GOT2: variants seen among roughly 807,000 people sequenced by gnomAD.
GOT2 encodes the protein glutamic-oxaloacetic transaminase 2.
GOT2 carries 17 observed loss-of-function variants against 50.0 expected under a neutral mutation model. The observed-to-expected ratio is 0.34, with a 90% CI of 0.23 to 0.51. The LOEUF is 0.51. Among genes scored for constraint, GOT2 ranks in the 20% least tolerant of loss-of-function variants. The probability of loss-of-function intolerance (pLI) is 0.97; values close to 1 mark genes in which losing one functional copy is unlikely to be tolerated. For missense variants in GOT2, 430 were observed against 559.6 expected, an observed-to-expected ratio of 0.77 and a Z score of 2.34; for synonymous variants, 172 against 204.9, an observed-to-expected ratio of 0.84 and a Z score of 1.37.
In GOT2 at chr16:58,716,137, TC is replaced by T; in HGVS notation, c.895del (p.Asp299MetfsTer6). The T allele has an allele frequency of 6.2e-7, 1 of 1,614,018 alleles. No homozygotes were observed. Reference sequence around the variant, plus strand: ...CTGTGACTCTACCCTTTTGGCTTCATCCGCATCTTTGCAGACCATAGTGAAG... The same window carrying T: ...CTGTGACTCTACCCTTTTGGCTTCATCGCATCTTTGCAGACCATAGTGAAG... ...GAFTMVCKDA[D>X]EAKRVESQLK... On this transcript the variant is annotated frameshift_variant, in exon 8 of 10. Coordinates refer to ENST00000245206, the MANE Select transcript of GOT2 (RefSeq NM_002080.4). LOFTEE classifies it high-confidence loss of function.
intron 7 of GOT2, chr16:58,716,392 C>G: frequency 1.7e-6 from 1 of 602,572 alleles, no homozygotes; most frequent in Non-Finnish European, 2.8e-6. Context: ...TTTATTGTAT[C>G]TATCTTCTTG....
chr16:58,718,326 G>A (rs2044711833), intron 5 of GOT2, 26 bp from the exon 6 acceptor site: 8 of 1,560,848 alleles, frequency 5.1e-6, no homozygotes, highest in South Asian at 4.5e-5. Context: ...GCCAAGAGAC[G>A]ACTTTGCAGC....
chr16:58,711,211 C>A (rs1294269383), intron 8 of GOT2, among the ~76,000 whole-genome samples: 1 of 152,088 alleles, frequency 6.6e-6, no homozygotes, highest in Admixed American at 6.5e-5. Context: ...TGCTTGTAAC[C>A]AAACCTGTAA....
In GOT2 at chr16:58,716,150, A is replaced by G; in HGVS notation, c.883T>C (p.Cys295Arg). Residue 295 changes from cysteine (C) to arginine (R), a missense_variant, in exon 8 of 10, where the codon TGC becomes CGC. Coordinates refer to ENST00000245206, the MANE Select transcript of GOT2 (RefSeq NM_002080.4). ...GERVGAFTMV[C>R]KDADEAKRVE... ...CTTTTGGCTTCATCCGCATCTTTGC[A>G]GACCATAGTGAAGGCTCCTACACGC... 6.2e-7 allele frequency: 1 copy of G among 1,613,940 alleles called. No individual in the cohort carries two copies. Among genetic ancestry groups the G allele is most frequent in the Non-Finnish European group, 8.5e-7 (1 of 1,179,946 alleles).
At position 58,734,209 on chromosome 16, in the gene GOT2, C is replaced by T. The variant is rs2044859910; in HGVS notation, c.20G>A (p.Gly7Asp). The T allele has an allele frequency of 7.5e-7, 1 of 1,335,284 alleles. No homozygotes were observed. 82.7% of individuals were successfully genotyped at this position (1,335,284 alleles called of 1,614,324 possible). A position where few individuals can be genotyped will look rare whatever the true frequency, so the allele number is the denominator to read the frequency against. MALLHS[G>D]RVLPGIAAAF... ...GGCGGCGATCCCGGGGAGGACGCGG[C>T]CGGAGTGCAGCAGGGCCATGGTGGA... The change falls in exon 1 of 10, where the codon GGC becomes GAC. Residue 7 changes from glycine to aspartate, a missense_variant. Physicochemically the swap from Gly to Asp is moderately conservative, Grantham distance 94. Coordinates refer to ENST00000245206, the MANE Select transcript of GOT2 (RefSeq NM_002080.4).
At chr16:58,709,781 G>A (rs2044631523) in intron 8 of GOT2, among the ~76,000 whole-genome samples, 1 of 152,180 alleles carries the variant, frequency 6.6e-6, no homozygotes, top group Admixed American at 6.5e-5. Flanking sequence ...AACTGAAGCA[G>A]TTAACACACT....
Position 58,709,544 on chromosome 16 carries a change from G to T in GOT2, c.1043C>A (p.Ala348Asp). 6.2e-7 allele frequency: 1 copy of T among 1,611,848 alleles called. No individual in the cohort carries two copies. Among genetic ancestry groups the T allele is most frequent in the Non-Finnish European group, 8.5e-7 (1 of 1,178,064 alleles). Residue 348 changes from alanine to aspartate, a missense_variant, in exon 9 of 10, where the codon GCT becomes GAT. Transcript: ENST00000245206. ...KQWLQEVKVMADRIIGMRTQL... is the reference protein window; with the variant it reads ...KQWLQEVKVMDDRIIGMRTQL... ...AGTCCGCATGCCAATGATGCGGTCA[G>T]CCATGACTTTCACTTCTTGCAGCCT...
chr16:58,716,809 C>T lies in GOT2; in HGVS notation c.707G>A (p.Arg236Lys). ...WKEIATVVKK[R>K]NLFAFFDMAY... ...CATGTCAAAGAACGCAAAGAGATTCCTTTTCTGAGAAGGAACGAAAGATCG... is the reference window on the plus strand; with the variant it reads ...CATGTCAAAGAACGCAAAGAGATTCTTTTTCTGAGAAGGAACGAAAGATCG... The change falls in exon 7 of 10, where the codon AGG (arginine) becomes AAG (lysine). Residue 236 changes from arginine to lysine, a missense_variant. Arg to Lys is a conservative substitution (Grantham distance 26). Transcript: ENST00000245206. 6.2e-7 allele frequency: 1 copy of T among 1,614,060 alleles called. No homozygotes were observed. Among genetic ancestry groups the T allele is most frequent in the Non-Finnish European group, 8.5e-7 (1 of 1,179,952 alleles).
chr16:58,729,508 AAAAAAG>A (rs2044815362), intron 1 of GOT2, among the ~76,000 whole-genome samples: 1 of 151,270 alleles, frequency 6.6e-6, no homozygotes, highest in Non-Finnish European at 1.5e-5. Context: ...GAAAAAAAAA[AAAAAAG>A]AAAAAGAAAA....
At position 58,723,734 on chromosome 16, in the gene GOT2, C is replaced by A; in HGVS notation, c.246+12G>T. On this transcript the variant is annotated intron_variant, in intron 2 of 9. Coordinates refer to ENST00000245206, the MANE Select transcript of GOT2 (RefSeq NM_002080.4). ...TTCATCCCATTCAAAAGGAGATGAA[C>A]AGCAAGCTCACCTTGCGGACGCTAG... The A allele has an allele frequency of 6.2e-7, 1 of 1,607,396 alleles. No individual in the cohort carries two copies. Among genetic ancestry groups the A allele is most frequent in the Non-Finnish European group, 8.5e-7 (1 of 1,174,268 alleles).
At chr16:58,721,781 ATT>A (rs11333258) in intron 3 of GOT2, 10,730 of 140,690 alleles carry the variant, frequency 0.076, 770 homozygotes, top group East Asian at 0.3. Context: ...TATTTCTTAA[ATT>A]TTTTTTTTTT....
At chr16:58,713,270 T>A (rs1053395717) in intron 8 of GOT2, among the ~76,000 whole-genome samples, 10 of 152,212 alleles carry the variant, frequency 6.6e-5, no homozygotes, top group Non-Finnish European at 1.0e-4. Context: ...CATGTTAATA[T>A]CATGCTGCAA....
chr16:58,725,658 T>C (rs2044777776), intron 1 of GOT2, among the ~76,000 whole-genome samples: 1 of 152,230 alleles, frequency 6.6e-6, no homozygotes, highest in African/African-American at 2.4e-5. Flanking sequence ...TAAGGAGGTA[T>C]AAAAGGGATA....
chr16:58,715,405 G>C (rs1597699232), intron 8 of GOT2, among the ~76,000 whole-genome samples: 1 of 152,216 alleles, frequency 6.6e-6, no homozygotes, highest in East Asian at 1.9e-4. Context: ...CAATTAACTT[G>C]GTTCAAAGTG....
At chr16:58,723,148 T>C (rs1597703373) in intron 2 of GOT2, among the ~76,000 whole-genome samples, 1 of 152,216 alleles carries the variant, frequency 6.6e-6, no homozygotes, top group East Asian at 1.9e-4. Flanking sequence ...TGAGGGAATG[T>C]ACAATAGTGC....
rs2044755639 is a variant in GOT2, at chr16:58,723,341, A to C, written c.246+405T>G. 3.3e-5 allele frequency among the ~76,000 whole-genome samples: 5 copies of C among 152,224 alleles called. No individual in the cohort carries two copies. The South Asian group carries it at 1.0e-3, about 31-fold the overall frequency. ...AAGGACAGAGCATGCCTGTGTACAAAGGTTTGATTAAAGTAATCACAGTTA... is the reference window on the plus strand; with the variant it reads ...AAGGACAGAGCATGCCTGTGTACAACGGTTTGATTAAAGTAATCACAGTTA... On this transcript the variant is annotated intron_variant, in intron 2 of 9. Coordinates refer to ENST00000245206, the MANE Select transcript of GOT2 (RefSeq NM_002080.4).
At position 58,707,984 on chromosome 16, in the gene GOT2, G is replaced by A. The variant is rs2044616925; in HGVS notation, c.*187C>T. On this transcript the variant is annotated 3_prime_UTR_variant, in exon 10 of 10. Transcript: ENST00000245206. ...GTTTAATATTCCAGACGCCAGCCAT[G>A]GATGCCTCTGCCCTGTGTCACTACA... The A allele has an allele frequency of 1.6e-5, 7 of 436,384 alleles. No homozygotes were observed. The highest frequency in any genetic ancestry group is 3.7e-5 in the East Asian group (1 of 26,816). 27.0% of individuals were successfully genotyped at this position (436,384 alleles called of 1,614,324 possible).
At chr16:58,710,176 G>A (rs141512662) in intron 8 of GOT2, among the ~76,000 whole-genome samples, 2,710 of 152,148 alleles carry the variant, frequency 0.018, 76 homozygotes, top group African/African-American at 0.062. Context: ...GGGATTACAG[G>A]TGTGAGCCAC....
At chr16:58,716,559 GAC>G (rs3075037) in intron 7 of GOT2, 102 bp downstream of exon 7, 70,671 of 705,696 alleles carry the variant, frequency 0.1, 1,857 homozygotes, top group East Asian at 0.34. Flanking sequence ...GACATGGATG[GAC>G]ACACACACAC....
Sources: allele counts gnomAD v4.1 joint callset (sites outside exome capture counted in the v4.1 genomes callset), GRCh38; gene constraint gnomAD v4.1.1; transcripts MANE v1.5; gene names NCBI Gene and HGNC (gene_info 2026-07-23, HGNC 2026-07-21).